Variants in ZKSCAN7 observed in about 807,000 individuals in gnomAD.
ZKSCAN7 encodes the protein zinc finger protein with KRAB and SCAN domains 7.
A neutral mutation model predicts 65.3 loss-of-function variants in ZKSCAN7; 38 were observed. The ratio of observed to expected loss-of-function variants is 0.58; its 90% CI spans 0.45 to 0.76. The LOEUF is 0.76. Among genes scored for constraint, ZKSCAN7 ranks in the 30% least tolerant of loss-of-function variants. The pLI, the probability that ZKSCAN7 is intolerant of heterozygous loss-of-function variation, is 0.00. For missense variants in ZKSCAN7, 815 were observed against 913.3 expected (o/e 0.89, Z 1.39); for synonymous variants, 321 against 321.0 (o/e 1.00, Z 0.00).
At chr3:44,556,779 T>C (rs1417029558) in intron 1 of ZKSCAN7, among the ~76,000 whole-genome samples, 151 bp from the exon 2 acceptor site, 1 of 152,194 alleles carries the variant, frequency 6.6e-6, no homozygotes, top group Non-Finnish European at 1.5e-5. Flanking sequence ...CCACTGAAAC[T>C]TTAAGAAGGG....
intron 5 of ZKSCAN7, chr3:44,580,175 C>T (rs201115272): frequency 1.0e-5 from 16 of 1,607,764 alleles, no homozygotes; most frequent in South Asian, 6.6e-5. Flanking sequence ...GAGGGGAGAG[C>T]GGCGGGGGCA....
At position 44,571,976 on chromosome 3, in the gene ZKSCAN7, A is replaced by C; in HGVS notation, c.*601A>C. 1 of 986,560 alleles carries C rather than the reference A, an allele frequency of 1.0e-6. No individual in the cohort carries two copies. The highest frequency in any genetic ancestry group is 1.2e-6 in the Non-Finnish European group (1 of 830,700). The allele number at this position is 986,560 out of a possible 1,614,324, so 61.1% of individuals were successfully genotyped here. On this transcript the variant is annotated 3_prime_UTR_variant, in exon 6 of 6. Transcript: ENST00000426540. ...CTTCAACTTCTCTTGATTTGACCTCAGTGCTTTGAATTCACTGGTGCTACA... is the reference window on the plus strand; with the variant it reads ...CTTCAACTTCTCTTGATTTGACCTCCGTGCTTTGAATTCACTGGTGCTACA...
At chr3:44,564,927 AG>A (rs1341597259) in intron 2 of ZKSCAN7, among the ~76,000 whole-genome samples, 5 of 152,034 alleles carry the variant, frequency 3.3e-5, no homozygotes, top group African/African-American at 1.2e-4. Flanking sequence ...CAGCCTCCCA[AG>A]TAGCTGGGAC....
intron 5 of ZKSCAN7, chr3:44,578,241 A>G (rs1699966715): frequency 6.4e-7 from 1 of 1,551,854 alleles, no homozygotes; most frequent in Non-Finnish European, 8.9e-7. Flanking sequence ...TTCTTGTCCC[A>G]CAGTGCTGTC....
chr3:44,582,006 C>T (rs750497311), intron 5 of ZKSCAN7, among the ~76,000 whole-genome samples: 5 of 152,184 alleles, frequency 3.3e-5, no homozygotes, highest in African/African-American at 7.2e-5. Flanking sequence ...ATTGTGAATA[C>T]GCACATGGTG....
chr3:44,560,654 G>A (rs1468585279), intron 2 of ZKSCAN7, among the ~76,000 whole-genome samples: 1 of 151,938 alleles, frequency 6.6e-6, no homozygotes, highest in African/African-American at 2.4e-5. Flanking sequence ...GACTACAGGT[G>A]CCTGCCACCA....
At position 44,582,907 on chromosome 3, in the gene ZKSCAN7, C is replaced by CGTGTGT. The variant is rs4016043; in HGVS notation, c.812-31_812-26dup. On this transcript the variant is annotated intron_variant, in intron 5 of 5. Coordinates refer to the ZKSCAN7 transcript ENST00000341840. Reference sequence around the variant, plus strand: ...AGCTCCCTTAATGTACATGAATATTCGTGTGTGTGTGTGTGTGTGTGTGTG... The same window carrying CGTGTGT: ...AGCTCCCTTAATGTACATGAATATTCGTGTGTGTGTGTGTGTGTGTGTGTGTGTGTG... 6.5e-3 allele frequency: 2,302 copies of CGTGTGT among 354,148 alleles called. 16 individuals carry two copies. The highest frequency in any genetic ancestry group is 0.029 in the African/African-American group (1,251 of 43,410). 21.9% of individuals were successfully genotyped at this position (354,148 alleles called of 1,614,324 possible). A position where few individuals can be genotyped will look rare whatever the true frequency, so the allele number is the denominator to read the frequency against.
downstream of ZKSCAN7, among the ~76,000 whole-genome samples, chr3:44,574,590 C>T (rs1269267421): frequency 6.6e-6 from 1 of 152,084 alleles, no homozygotes; most frequent in Non-Finnish European, 1.5e-5. Flanking sequence ...AGGAAGTTTC[C>T]TTCTAATATT....
intron 2 of ZKSCAN7, 126 bp downstream of exon 2, chr3:44,557,596 T>G: frequency 7.4e-7 from 1 of 1,353,062 alleles, no homozygotes; most frequent in South Asian, 1.4e-5. Flanking sequence ...ACTTGTCCTG[T>G]GGATAGAGGG....
chr3:44,560,108 G>A (rs997795549), intron 2 of ZKSCAN7, among the ~76,000 whole-genome samples: 2 of 152,146 alleles, frequency 1.3e-5, no homozygotes, highest in African/African-American at 4.8e-5. Flanking sequence ...CACAACCCAA[G>A]AAAATGACTA....
chr3:44,557,947 C>T (rs1233854918), intron 2 of ZKSCAN7, among the ~76,000 whole-genome samples: 3 of 152,170 alleles, frequency 2.0e-5, no homozygotes, highest in African/African-American at 7.2e-5. Flanking sequence ...CTCTCCAAAC[C>T]TAACTGGGAT....
At chr3:44,561,391 G>A (rs1399225677) in intron 2 of ZKSCAN7, among the ~76,000 whole-genome samples, 3 of 152,150 alleles carry the variant, frequency 2.0e-5, no homozygotes, top group Non-Finnish European at 2.9e-5. Context: ...CCTCCAATTC[G>A]TTGTGAGATT....
intron 5 of ZKSCAN7, among the ~76,000 whole-genome samples, chr3:44,579,591 C>T (rs1700015126): frequency 6.6e-6 from 1 of 152,166 alleles, no homozygotes; most frequent in Non-Finnish European, 1.5e-5. Context: ...GTCGGGTGCA[C>T]ATGCTTCATG....
intron 5 of ZKSCAN7, chr3:44,580,203 T>G (rs1700036854): frequency 6.2e-7 from 1 of 1,611,704 alleles, no homozygotes; most frequent in Non-Finnish European, 8.5e-7. Context: ...TTCTTCGGCC[T>G]TCAAGTCGTG....
intron 2 of ZKSCAN7, among the ~76,000 whole-genome samples, chr3:44,560,549 G>C (rs1699442638): frequency 8.0e-6 from 1 of 125,732 alleles, no homozygotes; most frequent in Non-Finnish European, 1.6e-5. Flanking sequence ...GTCTCACTCT[G>C]TTGCCCAGGC....
chr3:44,558,294 G>A (rs1699359250), intron 2 of ZKSCAN7, among the ~76,000 whole-genome samples: 1 of 152,096 alleles, frequency 6.6e-6, no homozygotes. Context: ...GGAGGCCGAA[G>A]GGGGTGGATC....
chr3:44,569,996 A>T lies in ZKSCAN7; in HGVS notation c.886A>T (p.Arg296Trp). Residue 296 changes from arginine to tryptophan, a missense_variant, in exon 6 of 6, where the codon AGG (arginine) becomes TGG (tryptophan). This residue lies in a region of ZKSCAN7 where 578 missense variants were observed against 629.5 expected (regional missense o/e 0.92). Transcript: ENST00000426540. The part of the protein sequence containing the change: ...EFFKGSESSN[R>W]TSGGLFGVVP... Reference sequence around the variant, plus strand: ...TTTTAAAGGATCAGAGTCATCTAACAGGACATCAGGGGGACTCTTTGGGGT... The same window carrying T: ...TTTTAAAGGATCAGAGTCATCTAACTGGACATCAGGGGGACTCTTTGGGGT... 1 of 1,608,254 alleles carries T rather than the reference A, an allele frequency of 6.2e-7. No homozygotes were observed. The highest frequency in any genetic ancestry group is 8.5e-7 in the Non-Finnish European group (1 of 1,177,900).
chr3:44,555,193 G>A lies in ZKSCAN7; in HGVS notation c.-407G>A, dbSNP rs1699253241. ...GGGGGCGGAAGTCGAGGCCTCTCTC[G>A]CTTCCGGCTCGGCCATTGTTTTTGG... On this transcript the variant is annotated 5_prime_UTR_variant, in exon 1 of 6. Transcript: ENST00000426540. 1 of 152,250 alleles carries A rather than the reference G, an allele frequency of 6.6e-6. No homozygotes were observed. The highest frequency in any genetic ancestry group is 6.5e-5 in the Admixed American group (1 of 15,294). The allele number at this position is 152,250 out of a possible 1,614,324, so 9.4% of individuals were successfully genotyped here. A position where few individuals can be genotyped will look rare whatever the true frequency, so the allele number is the denominator to read the frequency against.
intron 5 of ZKSCAN7, among the ~76,000 whole-genome samples, chr3:44,579,182 C>T (rs895660433): frequency 3.9e-5 from 6 of 152,216 alleles, no homozygotes; most frequent in South Asian, 2.1e-4. Context: ...CCCTGGGCTC[C>T]GGTCCACCTC....
Sources: gnomAD v4.1 joint callset for allele counts (sites outside exome capture counted in the v4.1 genomes callset) on GRCh38, gnomAD v4.1.1 for gene constraint, gnomAD v4.1.1 regional missense constraint, MANE v1.5 for transcripts, NCBI Gene and HGNC (gene_info 2026-07-23, HGNC 2026-07-21) for gene names.